The following PRDM8 variants were observed in gnomAD, a reference collection of about 807,000 sequenced individuals.
PRDM8 encodes the protein PR/SET domain 8, also known as PR domain zinc finger protein 8.
Under a neutral mutation model 46.5 loss-of-function variants are expected in PRDM8, and 13 were observed. The observed-to-expected ratio is 0.28, with a 90% confidence interval of 0.18 to 0.44. The LOEUF is 0.44. PRDM8 is among the 20% of genes least tolerant of loss of function. The probability of loss-of-function intolerance (pLI) is 1.00; values close to 1 mark genes in which losing one functional copy is unlikely to be tolerated. For synonymous variants in PRDM8, 473 were observed against 438.4 expected (o/e 1.08, Z -0.98); for missense variants, 998 against 955.0 (o/e 1.04, Z -0.59).
At chr4:80,189,809 G>T (rs1022193488) in intron 1 of PRDM8, 23 of 152,404 alleles carry the variant, frequency 1.5e-4, no homozygotes, top group African/African-American at 5.3e-4. Flanking sequence ...GGAATTGTGG[G>T]CTTTCCTGAG....
intron 1 of PRDM8, among the ~76,000 whole-genome samples, chr4:80,186,360 C>T (rs1040913432): frequency 6.8e-6 from 1 of 146,270 alleles, no homozygotes; most frequent in South Asian, 2.1e-4. Flanking sequence ...ACCTACTGGT[C>T]TGAAAGAGGG....
chr4:80,197,431 G>T (rs1365047155), upstream of PRDM8: 1 of 985,340 alleles, frequency 1.0e-6, no homozygotes, highest in Non-Finnish European at 1.2e-6. Context: ...TAAAGGGAGG[G>T]GACGTGGGCT....
intron 1 of PRDM8, among the ~76,000 whole-genome samples, chr4:80,198,634 G>A (rs1006353559): frequency 1.3e-5 from 2 of 152,164 alleles, no homozygotes; most frequent in Non-Finnish European, 2.9e-5. Flanking sequence ...GGGGATGCAA[G>A]AGGATGAATG....
chr4:80,195,658 T>G (rs1038478816), upstream of PRDM8, among the ~76,000 whole-genome samples: 2 of 152,144 alleles, frequency 1.3e-5, no homozygotes, highest in Non-Finnish European at 2.9e-5. Flanking sequence ...CTCATTGCAC[T>G]GAGCCTTGGT....
chr4:80,186,032 G>A (rs1234347482), intron 1 of PRDM8, among the ~76,000 whole-genome samples: 1 of 152,150 alleles, frequency 6.6e-6, no homozygotes, highest in Non-Finnish European at 1.5e-5. Flanking sequence ...GAAAAGGCGC[G>A]CGGTACTGGC....
At chr4:80,193,515 T>C (rs1487382092), upstream of PRDM8, among the ~76,000 whole-genome samples, 5 of 152,210 alleles carry the variant, frequency 3.3e-5, no homozygotes, top group African/African-American at 1.2e-4. Flanking sequence ...CTGAACAACA[T>C]TTTTGGCACA....
chr4:80,202,446 T>A lies in PRDM8; in HGVS notation c.984T>A (p.Gly328=). 1.9e-6 allele frequency: 3 copies of A among 1,546,230 alleles called. No homozygotes were observed. The South Asian group carries it at 3.6e-5, about 18-fold the overall frequency. The change falls in exon 4 of 4, where the codon GGT becomes GGA. Residue 328 remains glycine (G), a synonymous_variant. Transcript: ENST00000415738. The part of the protein sequence containing the change: ...EEAAEGGGGA[G]LVGGRGRFVE... ...CGGCGGAGGGCGGCGGTGGCGCTGG[T>A]CTGGTAGGGGGCCGGGGCCGCTTCG...
rs1738765269 is a variant in PRDM8, at chr4:80,203,676, A to ACCC, written c.*144_*145insCCC. On this transcript the variant is annotated 3_prime_UTR_variant, in exon 4 of 4. Transcript: ENST00000415738. ...ACATTCACCGCCCCCCCGCCCCCCC[A>ACCC]ACGCGCACACACACGTCCTCTCCTC... 1 of 1,218,152 alleles carries ACCC rather than the reference A, an allele frequency of 8.2e-7. No individual in the cohort carries two copies. The highest frequency in any genetic ancestry group is 1.0e-6 in the Non-Finnish European group (1 of 964,316). The allele number at this position is 1,218,152 out of a possible 1,614,324, so 75.5% of individuals were successfully genotyped here. A position where few individuals can be genotyped will look rare whatever the true frequency, so the allele number is the denominator to read the frequency against.
Position 80,201,315 on chromosome 4 carries a change from C to G in PRDM8, c.245C>G (p.Ser82Cys). The G allele has an allele frequency of 6.2e-7, 1 of 1,614,214 alleles. No homozygotes were observed. Among genetic ancestry groups the G allele is most frequent in the Non-Finnish European group, 8.5e-7 (1 of 1,180,040 alleles). The change falls in exon 3 of 4, where the codon TCC becomes TGC. Residue 82 changes from serine to cysteine, a missense_variant. By Grantham distance (112) the Ser-to-Cys change is moderately radical (BLOSUM62 -1). Coordinates refer to ENST00000415738, the MANE Select transcript of PRDM8 (RefSeq NM_001099403.2). ...FRVDTSAANG[S>C]SEGLMWLRLV... Reference sequence around the variant, plus strand: ...GTAGACACCTCAGCAGCAAATGGTTCCTCAGAAGGTCTCATGTGGCTGCGG... The same window carrying G: ...GTAGACACCTCAGCAGCAAATGGTTGCTCAGAAGGTCTCATGTGGCTGCGG...
At chr4:80,193,357 C>T (rs981226721), upstream of PRDM8, among the ~76,000 whole-genome samples, 4 of 152,164 alleles carry the variant, frequency 2.6e-5, no homozygotes, top group Non-Finnish European at 5.9e-5. Context: ...CCCCTCACAT[C>T]ATCCTTTACC....
intron 1 of PRDM8, among the ~76,000 whole-genome samples, chr4:80,190,701 T>G (rs2109865343): frequency 6.6e-6 from 1 of 152,350 alleles, no homozygotes; most frequent in East Asian, 1.9e-4. Context: ...AATCTAGACA[T>G]CAGGAAGTGT....
Position 80,199,018 on chromosome 4 carries a change from T to TTTTA in PRDM8, c.-2-1061_-2-1060insTTTA, listed in dbSNP as rs1553904883. 3.3e-4 allele frequency among the ~76,000 whole-genome samples: 29 copies of TTTTA among 89,186 alleles called. 1 individual carries two copies. The highest frequency in any genetic ancestry group is 1.1e-3 in the South Asian group (2 of 1,892). The allele number at this position is 89,186 out of a possible 152,430, so 58.5% of individuals were successfully genotyped here. On this transcript the variant is annotated intron_variant, in intron 1 of 3. Coordinates refer to ENST00000415738, the MANE Select transcript of PRDM8 (RefSeq NM_001099403.2). The stretch of plus-strand genomic sequence containing the variant: ...TGTTTTTTTTTTTTTTTTTTTTTTT[T>TTTTA]AGTGATAAGTCTTGTATGGGGTGTC...
At chr4:80,196,188 G>T (rs940231271), upstream of PRDM8, 6 of 903,946 alleles carry the variant, frequency 6.6e-6, no homozygotes, top group East Asian at 1.2e-4. Flanking sequence ...CAACAACGAG[G>T]CTGTCTCCTT....
Position 80,203,681 on chromosome 4 carries a change from G to GCACACA in PRDM8, c.*153_*158dup. On this transcript the variant is annotated 3_prime_UTR_variant, in exon 4 of 4. Coordinates refer to ENST00000415738, the MANE Select transcript of PRDM8 (RefSeq NM_001099403.2). ...CACCGCCCCCCCGCCCCCCCAACGC[G>GCACACA]CACACACACGTCCTCTCCTCCCAGG... 15 of 1,270,326 alleles carry GCACACA rather than the reference G, an allele frequency of 1.2e-5. No homozygotes were observed. Among genetic ancestry groups the GCACACA allele is most frequent in the Non-Finnish European group, 1.5e-5 (15 of 1,001,048 alleles). The allele number at this position is 1,270,326 out of a possible 1,614,324, so 78.7% of individuals were successfully genotyped here.
intron 2 of PRDM8, chr4:80,191,579 G>C (rs187539878): frequency 2.0e-5 from 3 of 152,278 alleles, no homozygotes; most frequent in Admixed American, 6.5e-5. Flanking sequence ...TGTAAGTCCA[G>C]AAGTGTTTAT....
At chr4:80,198,977 TGGG>T (rs1477453589) in intron 1 of PRDM8, among the ~76,000 whole-genome samples, 3 of 127,172 alleles carry the variant, frequency 2.4e-5, no homozygotes, top group African/African-American at 9.1e-5. Context: ...TGGGTTTTTT[TGGG>T]TTTTTTTTTT....
chr4:80,202,762 G>T lies in PRDM8; in HGVS notation c.1300G>T (p.Glu434Ter). ...TPAAASPVGAEKLLAPRPGGP... is the reference protein window; with the variant it reads ...TPAAASPVGA ...CGCGGCCGCGTCACCGGTGGGCGCC[G>T]AGAAGCTGCTGGCCCCGCGGCCTGG... The change falls in exon 4 of 4, where the codon GAG becomes TAG. Residue 434 changes from glutamate to a stop codon, truncating the protein, a stop_gained. Coordinates refer to ENST00000415738, the MANE Select transcript of PRDM8 (RefSeq NM_001099403.2). LOFTEE classifies it high-confidence loss of function. 1 of 1,274,246 alleles carries T rather than the reference G, an allele frequency of 7.8e-7. No homozygotes were observed. Among genetic ancestry groups the T allele is most frequent in the South Asian group, 2.9e-5 (1 of 34,612 alleles). The allele number at this position is 1,274,246 out of a possible 1,614,324, so 78.9% of individuals were successfully genotyped here. A position where few individuals can be genotyped will look rare whatever the true frequency, so the allele number is the denominator to read the frequency against.
intron 2 of PRDM8, among the ~76,000 whole-genome samples, chr4:80,200,602 G>A (rs1738368674): frequency 6.6e-6 from 1 of 152,204 alleles, no homozygotes; most frequent in South Asian, 2.1e-4. Flanking sequence ...GATTTCACTG[G>A]GGTGGAGGCT....
chr4:80,190,347 C>G (rs2109864871), intron 1 of PRDM8, among the ~76,000 whole-genome samples: 1 of 152,392 alleles, frequency 6.6e-6, no homozygotes, highest in East Asian at 1.9e-4. Flanking sequence ...CATTTCCTCC[C>G]TGCTTCGCCC....
Sources: gnomAD v4.1 joint callset for allele counts (sites outside exome capture counted in the v4.1 genomes callset) on GRCh38, gnomAD v4.1.1 for gene constraint, MANE v1.5 for transcripts, NCBI Gene and HGNC (gene_info 2026-07-23, HGNC 2026-07-21) for gene names.